The following NBAS variants were observed in gnomAD, a reference collection of about 807,000 sequenced individuals.
NBAS encodes NAG/BC035112 fusion.
In NBAS, 219 loss-of-function variants were observed where a neutral mutation model predicts 302.5. That is an observed-to-expected ratio of 0.72 (90% confidence interval 0.65 to 0.81). The LOEUF is 0.81. Among genes scored for constraint, NBAS ranks in the 30% least tolerant of loss-of-function variants. The pLI is 0.00. For missense variants in NBAS, 2,932 were observed against 2,841.6 expected, an observed-to-expected ratio of 1.03 and a Z score of -0.72; for synonymous variants, 1,118 against 1,021.6, an observed-to-expected ratio of 1.09 and a Z score of -1.80.
At chr2:15,119,807 C>T in the NBAS span, among the ~76,000 whole-genome samples, 1 of 152,154 alleles carries the variant, frequency 6.6e-6, no homozygotes, top group African/African-American at 2.4e-5. Context: ...CTGCTGGGTC[C>T]CTGCTGCTTC....
the NBAS span, among the ~76,000 whole-genome samples, chr2:14,906,964 T>A: frequency 6.6e-6 from 1 of 152,108 alleles, no homozygotes; most frequent in African/African-American, 2.4e-5. Context: ...GACTTCGAGT[T>A]GAATCCCTCA....
chr2:15,366,684 C>T lies in NBAS; in HGVS notation c.3713G>A (p.Cys1238Tyr), dbSNP rs1481722051. 1.9e-6 allele frequency: 3 copies of T among 1,613,584 alleles called. No homozygotes were observed. Among genetic ancestry groups the T allele is most frequent in the Non-Finnish European group, 2.5e-6 (3 of 1,179,698 alleles). ...CTTGATGAGACTGATCCGATCAGGGCACAATCGCACTACAAAAGAAAGACG... is the reference window on the plus strand; with the variant it reads ...CTTGATGAGACTGATCCGATCAGGGTACAATCGCACTACAAAAGAAAGACG... ...VKILPLQVRL[C>Y]PDRISLIKEC... The change falls in exon 32 of 52, where the codon TGC (cysteine) becomes TAC (tyrosine). Residue 1238 changes from cysteine to tyrosine, a missense_variant. Transcript: ENST00000281513.
rs979880344 is a variant in NBAS, at chr2:15,561,078, C to T, written c.117+110G>A. ...AGGCGACCGCACAAGCCAACCGGCCCTAGTCCCCCACCCACCCGTCTCCAC... is the reference window on the plus strand; with the variant it reads ...AGGCGACCGCACAAGCCAACCGGCCTTAGTCCCCCACCCACCCGTCTCCAC... On this transcript the variant is annotated intron_variant, in intron 1 of 51. Coordinates refer to ENST00000281513, the MANE Select transcript of NBAS (RefSeq NM_015909.4). 7 of 965,076 alleles carry T rather than the reference C, an allele frequency of 7.3e-6. No homozygotes were observed. In the East Asian group the frequency reaches 1.7e-4, roughly 23 times the overall value. The allele number at this position is 965,076 out of a possible 1,614,324, so 59.8% of individuals were successfully genotyped here.
At chr2:14,789,552 T>C in the NBAS span, among the ~76,000 whole-genome samples, 1 of 152,220 alleles carries the variant, frequency 6.6e-6, no homozygotes, top group Non-Finnish European at 1.5e-5. Context: ...AATGTTTTAA[T>C]ACATTAGAAC....
At chr2:15,409,837 C>G (rs926537741) in intron 25 of NBAS, among the ~76,000 whole-genome samples, 1 of 152,174 alleles carries the variant, frequency 6.6e-6, no homozygotes, top group Non-Finnish European at 1.5e-5. Context: ...CTCATCAAAG[C>G]TTTATCTATA....
chr2:15,455,414 T>C (rs542624627), intron 21 of NBAS, among the ~76,000 whole-genome samples: 2 of 152,098 alleles, frequency 1.3e-5, no homozygotes, highest in Non-Finnish European at 2.9e-5. Context: ...GCTATGGTTA[T>C]ATAAGAAGAA....
At chr2:15,192,732 T>C (rs1665422411) in intron 48 of NBAS, among the ~76,000 whole-genome samples, 1 of 152,196 alleles carries the variant, frequency 6.6e-6, no homozygotes, top group African/African-American at 2.4e-5. Context: ...AGGTTTGTGC[T>C]TAAGAAGTAT....
chr2:15,196,288 C>G (rs1372347027), intron 48 of NBAS, among the ~76,000 whole-genome samples: 1 of 152,070 alleles, frequency 6.6e-6, no homozygotes, highest in Non-Finnish European at 1.5e-5. Context: ...CTGCATAGCA[C>G]TAAATACACA....
the NBAS span, among the ~76,000 whole-genome samples, chr2:14,844,978 T>C: frequency 6.6e-6 from 1 of 152,202 alleles, no homozygotes; most frequent in Non-Finnish European, 1.5e-5. Context: ...CAGCAGAACA[T>C]GCCACCCTCA....
rs758155584 is a variant in NBAS, at chr2:15,467,426, T to G, written c.2019-19A>C. Reference sequence around the variant, plus strand: ...TGTCAACCTGTTTTGAATAACTATGTTAGGCCACTTATATTTACACAGAAT... The same window carrying G: ...TGTCAACCTGTTTTGAATAACTATGGTAGGCCACTTATATTTACACAGAAT... On this transcript the variant is annotated intron_variant, in intron 18 of 51. Coordinates refer to ENST00000281513, the MANE Select transcript of NBAS (RefSeq NM_015909.4). The G allele has an allele frequency of 6.4e-6, 10 of 1,570,298 alleles. No individual in the cohort carries two copies. The East Asian group carries it at 2.2e-4, about 35-fold the overall frequency.
At chr2:15,327,076 A>G (rs566253309) in intron 38 of NBAS, among the ~76,000 whole-genome samples, 5 of 152,144 alleles carry the variant, frequency 3.3e-5, no homozygotes, top group Admixed American at 1.3e-4. Flanking sequence ...TAATAAAATA[A>G]TAAGTGCAAG....
intron 44 of NBAS, among the ~76,000 whole-genome samples, chr2:15,252,816 C>T (rs1018874855): frequency 3.9e-4 from 59 of 151,846 alleles, no homozygotes; most frequent in African/African-American, 1.4e-3. Flanking sequence ...ACAGAGGATA[C>T]AAAGGTAAAT....
chr2:15,396,702 T>A (rs2148415867), intron 26 of NBAS, among the ~76,000 whole-genome samples: 1 of 151,492 alleles, frequency 6.6e-6, no homozygotes, highest in African/African-American at 2.4e-5. Flanking sequence ...GAACAACTAT[T>A]TTCTAGGGTA....
At chr2:14,918,071 G>T in the NBAS span, among the ~76,000 whole-genome samples, 1 of 152,100 alleles carries the variant, frequency 6.6e-6, no homozygotes, top group African/African-American at 2.4e-5. Flanking sequence ...CAGTCTTTGT[G>T]AGCTTGTGAA....
chr2:15,009,907 A>G, the NBAS span, among the ~76,000 whole-genome samples: 1 of 152,044 alleles, frequency 6.6e-6, no homozygotes, highest in South Asian at 2.1e-4. Flanking sequence ...CTTACATAAC[A>G]AACTACTGAC....
chr2:14,794,775 T>A, the NBAS span, among the ~76,000 whole-genome samples: 1 of 152,102 alleles, frequency 6.6e-6, no homozygotes, highest in African/African-American at 2.4e-5. Flanking sequence ...GAATTCCCCA[T>A]TCCCAGTCAA....
intron 48 of NBAS, among the ~76,000 whole-genome samples, chr2:15,191,703 A>T (rs1259713306): frequency 1.3e-5 from 2 of 152,336 alleles, no homozygotes; most frequent in Non-Finnish European, 1.5e-5. Flanking sequence ...GATGTTCTGA[A>T]ACTAGAAGAT....
At chr2:15,048,693 C>A in the NBAS span, among the ~76,000 whole-genome samples, 1 of 152,218 alleles carries the variant, frequency 6.6e-6, no homozygotes, top group East Asian at 1.9e-4. Flanking sequence ...ACAGCTACTT[C>A]CTTCTTGCTG....
chr2:15,356,200 G>A (rs1673609650), intron 33 of NBAS, 103 bp downstream of exon 33: 2 of 911,896 alleles, frequency 2.2e-6, no homozygotes, highest in African/African-American at 3.3e-5. Context: ...GCCTCAATGT[G>A]GCTGGCTTAC....
Sources: gnomAD v4.1 joint callset for allele counts (sites outside exome capture counted in the v4.1 genomes callset) on GRCh38, gnomAD v4.1.1 for gene constraint, MANE v1.5 for transcripts, NCBI Gene and HGNC (gene_info 2026-07-23, HGNC 2026-07-21) for gene names.